Variants in TMEM178A observed in about 807,000 individuals in gnomAD.
TMEM178A encodes transmembrane protein 178A, also known as transmembrane protein 178.
Under a neutral mutation model 29.1 loss-of-function variants are expected in TMEM178A, and 12 were observed. The observed-to-expected ratio is 0.41, with a 90% CI of 0.26 to 0.67. The LOEUF (loss-of-function observed/expected upper bound fraction) is 0.67, where lower values mean the gene tolerates loss of function less well. Among genes scored for constraint, TMEM178A ranks in the 30% least tolerant of loss-of-function variants. TMEM178A has a pLI of 0.29. For missense variants in TMEM178A, 366 were observed against 419.1 expected, an observed-to-expected ratio of 0.87 and a Z score of 1.11; for synonymous variants, 210 against 187.2, an observed-to-expected ratio of 1.12 and a Z score of -0.99.
At chr2:39,711,395 T>A (rs929392671) in intron 3 of TMEM178A, among the ~76,000 whole-genome samples, 1 of 152,240 alleles carries the variant, frequency 6.6e-6, no homozygotes, top group Non-Finnish European at 1.5e-5. Context: ...TAGTATTTTT[T>A]AATTCACCAG....
intron 1 of TMEM178A, among the ~76,000 whole-genome samples, chr2:39,686,101 A>C (rs1558449645): frequency 6.6e-6 from 1 of 152,216 alleles, no homozygotes; most frequent in Non-Finnish European, 1.5e-5. Context: ...GCTGCTGGCC[A>C]GGGTGCCAGT....
At chr2:39,696,631 C>G (rs1671555239) in intron 1 of TMEM178A, among the ~76,000 whole-genome samples, 1 of 152,156 alleles carries the variant, frequency 6.6e-6, no homozygotes, top group Non-Finnish European at 1.5e-5. Flanking sequence ...GGTCTTTAAC[C>G]ATCATGTATA....
Position 39,695,841 on chromosome 2 carries a change from T to C in TMEM178A, c.401-8240T>C, listed in dbSNP as rs533030169. ...CATCTTCTGTTGGTCAGTGTGGAAG[T>C]TGACACAATGGCAAAGCATTAAAAC... On this transcript the variant is annotated intron_variant, in intron 1 of 3. Transcript: ENST00000281961. Among the ~76,000 whole-genome samples, 5 of 152,240 alleles carry C rather than the reference T, an allele frequency of 3.3e-5. No homozygotes were observed. The South Asian group carries it at 8.3e-4, about 25-fold the overall frequency.
chr2:39,701,698 C>T (rs577031392), intron 1 of TMEM178A, among the ~76,000 whole-genome samples: 3 of 152,226 alleles, frequency 2.0e-5, no homozygotes, highest in South Asian at 2.1e-4. Context: ...CCTCACAGGT[C>T]TCTGAGGCCC....
In TMEM178A at chr2:39,717,471, G is replaced by A. The variant is rs2148122095; in HGVS notation, c.*220G>A. 3 of 515,994 alleles carry A rather than the reference G, an allele frequency of 5.8e-6. No homozygotes were observed. Among genetic ancestry groups the A allele is most frequent in the East Asian group, 6.6e-5 (2 of 30,392 alleles). 32.0% of individuals were successfully genotyped at this position (515,994 alleles called of 1,614,324 possible). ...ATGACTATTTATGCGTTGACTGTGAGAATAGGGAGCAGTGCCATGGGACAT... is the reference window on the plus strand; with the variant it reads ...ATGACTATTTATGCGTTGACTGTGAAAATAGGGAGCAGTGCCATGGGACAT... On this transcript the variant is annotated 3_prime_UTR_variant, in exon 4 of 4. Transcript: ENST00000281961.
chr2:39,669,825 C>T (rs1670335815), intron 1 of TMEM178A, among the ~76,000 whole-genome samples: 1 of 152,218 alleles, frequency 6.6e-6, no homozygotes, highest in Non-Finnish European at 1.5e-5. Context: ...GATAACTTAT[C>T]AAATGCTTTA....
intron 1 of TMEM178A, among the ~76,000 whole-genome samples, chr2:39,693,513 G>C (rs1422654318): frequency 6.6e-6 from 1 of 152,176 alleles, no homozygotes; most frequent in Non-Finnish European, 1.5e-5. Context: ...GTCAGGTCTT[G>C]CCTGTGTCTG....
chr2:39,702,066 G>T (rs1307128025), intron 1 of TMEM178A, among the ~76,000 whole-genome samples: 1 of 151,562 alleles, frequency 6.6e-6, no homozygotes, highest in Non-Finnish European at 1.5e-5. Context: ...AGCTTCTATT[G>T]ACTGCTTTTT....
chr2:39,675,410 A>G (rs534520569), intron 1 of TMEM178A, among the ~76,000 whole-genome samples: 1 of 109,546 alleles, frequency 9.1e-6, no homozygotes, highest in Admixed American at 1.0e-4. Context: ...AGAGGTTATA[A>G]AAGGGCAGTT....
the TMEM178A span, among the ~76,000 whole-genome samples, chr2:39,730,196 G>A: frequency 6.6e-6 from 1 of 152,190 alleles, no homozygotes; most frequent in Non-Finnish European, 1.5e-5. Flanking sequence ...TGTGTTTGCT[G>A]ACAGAAGAAA....
At position 39,702,786 on chromosome 2, in the gene TMEM178A, AAG is replaced by A. The variant is rs1274629258; in HGVS notation, c.401-1294_401-1293del. On this transcript the variant is annotated intron_variant, in intron 1 of 3. Coordinates refer to ENST00000281961, the MANE Select transcript of TMEM178A (RefSeq NM_152390.3). ...GAGATAGTTTGGGTAGTTTTTCTCA[AAG>A]GGAGATTCAGAGACTACCTGCATCA... 6.6e-5 allele frequency among the ~76,000 whole-genome samples: 10 copies of A among 152,262 alleles called. No individual in the cohort carries two copies. The East Asian group carries it at 1.4e-3, about 21-fold the overall frequency.
chr2:39,707,252 A>T, intron 3 of TMEM178A, 66 bp downstream of exon 3: 1 of 1,506,364 alleles, frequency 6.6e-7, no homozygotes, highest in South Asian at 1.4e-5. Flanking sequence ...GCGGCTAGCT[A>T]GTGTCGCTTT....
intron 1 of TMEM178A, among the ~76,000 whole-genome samples, chr2:39,670,534 A>G (rs1414438890): frequency 6.6e-6 from 1 of 152,250 alleles, no homozygotes; most frequent in East Asian, 1.9e-4. Flanking sequence ...GTAAAATGAC[A>G]GAAAATACAG....
chr2:39,715,353 A>T (rs1467899690), intron 3 of TMEM178A, among the ~76,000 whole-genome samples: 1 of 152,200 alleles, frequency 6.6e-6, no homozygotes, highest in Non-Finnish European at 1.5e-5. Context: ...TATTACCAGC[A>T]TTTATTAAAA....
chr2:39,723,051 T>A, the TMEM178A span, among the ~76,000 whole-genome samples: 3 of 152,346 alleles, frequency 2.0e-5, no homozygotes, highest in African/African-American at 7.2e-5. Context: ...GGGCCTGGGC[T>A]CCCTTGACTT....
At position 39,717,717 on chromosome 2, in the gene TMEM178A, A is replaced by C; in HGVS notation, c.*466A>C. On this transcript the variant is annotated 3_prime_UTR_variant, in exon 4 of 4. Coordinates refer to ENST00000281961, the MANE Select transcript of TMEM178A (RefSeq NM_152390.3). Reference sequence around the variant, plus strand: ...ATGGTGTCTTATTGTGTCAGCACCAAATATTTGTGCATTATTTGTGGACGT... The same window carrying C: ...ATGGTGTCTTATTGTGTCAGCACCACATATTTGTGCATTATTTGTGGACGT... 1 of 153,300 alleles carries C rather than the reference A, an allele frequency of 6.5e-6. No homozygotes were observed. Among genetic ancestry groups the C allele is most frequent in the East Asian group, 1.9e-4 (1 of 5,208 alleles). 9.5% of individuals were successfully genotyped at this position (153,300 alleles called of 1,614,324 possible).
intron 1 of TMEM178A, among the ~76,000 whole-genome samples, chr2:39,694,462 A>T (rs1671455801): frequency 6.6e-6 from 1 of 152,200 alleles, no homozygotes; most frequent in African/African-American, 2.4e-5. Context: ...TATGTGGTAG[A>T]CACAAGATCT....
At chr2:39,679,451 C>CT (rs1012313797) in intron 1 of TMEM178A, among the ~76,000 whole-genome samples, 39 of 151,660 alleles carry the variant, frequency 2.6e-4, no homozygotes, top group Middle Eastern at 3.4e-3. Flanking sequence ...TTATTATACA[C>CT]TTTTTTTTGA....
At chr2:39,670,190 G>A (rs958719116) in intron 1 of TMEM178A, among the ~76,000 whole-genome samples, 2 of 152,132 alleles carry the variant, frequency 1.3e-5, no homozygotes, top group South Asian at 2.1e-4. Context: ...TGTGGGGGGC[G>A]GGGTCTGAAA....
Sources: allele counts gnomAD v4.1 joint callset (sites outside exome capture counted in the v4.1 genomes callset), GRCh38; gene constraint gnomAD v4.1.1; transcripts MANE v1.5; gene names NCBI Gene and HGNC (gene_info 2026-07-23, HGNC 2026-07-21).